HPSE2: variants seen among roughly 807,000 people sequenced by gnomAD.
HPSE2 encodes inactive heparanase-2.
HPSE2 carries 38 observed loss-of-function variants against 60.5 expected under a neutral mutation model. The observed-to-expected ratio is 0.63, with a 90% confidence interval of 0.48 to 0.82. The LOEUF (loss-of-function observed/expected upper bound fraction) is 0.82. Ranked by LOEUF, HPSE2 falls within the 40% of genes least tolerant of loss-of-function variation. HPSE2 has a pLI of 0.00. For synonymous variants in HPSE2, 295 were observed against 293.2 expected (o/e 1.01, Z -0.06); for missense variants, 713 against 740.4 (o/e 0.96, Z 0.43).
At chr10:99,012,805 AT>A (rs1233052229) in intron 3 of HPSE2, among the ~76,000 whole-genome samples, 1 of 152,208 alleles carries the variant, frequency 6.6e-6, no homozygotes, top group Non-Finnish European at 1.5e-5. Flanking sequence ...AAAATTCAAA[AT>A]GTCTTCCTCT....
chr10:98,937,769 C>A lies in HPSE2; in HGVS notation c.611-193713G>T, dbSNP rs11189887. The stretch of plus-strand genomic sequence containing the variant: ...CAGCACGCAGCTGGAGATCTGAGAA[C>A]GGGCAGACTGCCTCCTCAAGTGGGT... On this transcript the variant is annotated intron_variant, in intron 3 of 11. Transcript: ENST00000370552. Among the ~76,000 whole-genome samples, 506 of 139,064 alleles carry A rather than the reference C, an allele frequency of 3.6e-3. 98 individuals carry two copies. Among genetic ancestry groups the A allele is most frequent in the African/African-American group, 0.015 (483 of 32,414 alleles). 91.2% of individuals were successfully genotyped at this position (139,064 alleles called of 152,430 possible).
chr10:99,102,809 G>A (rs1280573048), intron 3 of HPSE2, among the ~76,000 whole-genome samples: 1 of 152,120 alleles, frequency 6.6e-6, no homozygotes. Context: ...TCAACCCTGG[G>A]ATACAAGGCT....
chr10:98,569,911 A>G (rs952489087), intron 9 of HPSE2, among the ~76,000 whole-genome samples: 1 of 152,098 alleles, frequency 6.6e-6, no homozygotes, highest in Non-Finnish European at 1.5e-5. Flanking sequence ...AACTGCCACA[A>G]ATTAAACTTC....
intron 5 of HPSE2, among the ~76,000 whole-genome samples, chr10:98,719,115 C>T (rs951880368): frequency 6.6e-6 from 1 of 152,048 alleles, no homozygotes; most frequent in Non-Finnish European, 1.5e-5. Context: ...ATTATTTATA[C>T]AATGCTTTTC....
intron 3 of HPSE2, among the ~76,000 whole-genome samples, chr10:99,085,295 G>C (rs1245220767): frequency 6.6e-6 from 1 of 152,216 alleles, no homozygotes; most frequent in South Asian, 2.1e-4. Flanking sequence ...ATGAGGTCTA[G>C]AGAAGTAATT....
At chr10:99,214,694 T>C (rs893165193) in intron 2 of HPSE2, among the ~76,000 whole-genome samples, 1 of 151,936 alleles carries the variant, frequency 6.6e-6, no homozygotes, top group Non-Finnish European at 1.5e-5. Context: ...AATCTGTCCA[T>C]CTGGCAAAGG....
intron 3 of HPSE2, among the ~76,000 whole-genome samples, chr10:98,780,668 G>A (rs837739): frequency 0.019 from 2,834 of 152,104 alleles, 85 homozygotes; most frequent in African/African-American, 0.06. Context: ...TGCTTGGCTA[G>A]GGAAGATGAA....
chr10:99,153,075 A>T (rs1035930424), intron 2 of HPSE2, among the ~76,000 whole-genome samples: 1 of 152,218 alleles, frequency 6.6e-6, no homozygotes, highest in African/African-American at 2.4e-5. Flanking sequence ...ACGAGATTAT[A>T]TCCCGCACAT....
chr10:98,770,100 T>C (rs1336503), intron 3 of HPSE2, among the ~76,000 whole-genome samples: 129,876 of 152,132 alleles, frequency 0.85, 55,787 homozygotes, highest in African/African-American at 0.93. Context: ...CAAGTGGCCT[T>C]GCATGGCTAG....
At chr10:99,278,913 A>G in the HPSE2 span, among the ~76,000 whole-genome samples, 1 of 152,184 alleles carries the variant, frequency 6.6e-6, no homozygotes, top group African/African-American at 2.4e-5. Flanking sequence ...GGAGAATAAG[A>G]ATAATCATGA....
chr10:99,196,610 G>A (rs576532756), intron 2 of HPSE2, among the ~76,000 whole-genome samples: 1 of 152,022 alleles, frequency 6.6e-6, no homozygotes, highest in Non-Finnish European at 1.5e-5. Flanking sequence ...CATATGAAAA[G>A]GTGCTCAACA....
chr10:99,047,654 GAGA>G (rs963951364), intron 3 of HPSE2: 4 of 747,752 alleles, frequency 5.3e-6, no homozygotes, highest in East Asian at 4.9e-5. Flanking sequence ...TGGTGTAGAA[GAGA>G]AGAAGAAGAC....
chr10:98,727,382 G>A (rs1321904168), intron 4 of HPSE2, among the ~76,000 whole-genome samples: 1 of 152,180 alleles, frequency 6.6e-6, no homozygotes, highest in East Asian at 1.9e-4. Context: ...TGGGCACAGT[G>A]GCTCATGCCT....
intron 2 of HPSE2, among the ~76,000 whole-genome samples, chr10:99,220,542 C>T (rs189126015): frequency 8.1e-4 from 123 of 152,190 alleles, no homozygotes; most frequent in African/African-American, 2.8e-3. Flanking sequence ...TGGTGGTTCA[C>T]GCCTGTAATC....
upstream of HPSE2, among the ~76,000 whole-genome samples, chr10:99,236,929 C>T (rs1326755634): frequency 6.6e-6 from 1 of 152,174 alleles, no homozygotes; most frequent in Non-Finnish European, 1.5e-5. Flanking sequence ...AGCCCTCCTG[C>T]AGGGAAGTGC....
At chr10:98,656,400 T>C (rs551536412) in intron 6 of HPSE2, among the ~76,000 whole-genome samples, 1 of 152,196 alleles carries the variant, frequency 6.6e-6, no homozygotes, top group Non-Finnish European at 1.5e-5. Context: ...TTTGATTTTC[T>C]ACACTTTCAT....
At chr10:98,574,103 TTGGCA>T (rs1250809063) in intron 9 of HPSE2, among the ~76,000 whole-genome samples, 1 of 149,414 alleles carries the variant, frequency 6.7e-6, no homozygotes, top group African/African-American at 2.5e-5. Flanking sequence ...CCTCTACAGA[TTGGCA>T]TATTCTGGAC....
the HPSE2 span, among the ~76,000 whole-genome samples, chr10:99,265,047 C>T: frequency 2.6e-5 from 4 of 152,186 alleles, no homozygotes; most frequent in African/African-American, 9.7e-5. Flanking sequence ...GTGACCTGCA[C>T]ATATACATCC....
chr10:98,522,155 C>T (rs892150099), intron 9 of HPSE2, among the ~76,000 whole-genome samples: 1 of 151,038 alleles, frequency 6.6e-6, no homozygotes, highest in East Asian at 1.9e-4. Flanking sequence ...AAAGAATCAA[C>T]TACATGGGAT....
Sources: gnomAD v4.1 joint callset for allele counts (sites outside exome capture counted in the v4.1 genomes callset) on GRCh38, gnomAD v4.1.1 for gene constraint, MANE v1.5 for transcripts, NCBI Gene and HGNC (gene_info 2026-07-23, HGNC 2026-07-21) for gene names.